CHSY3: variants seen among roughly 807,000 people sequenced by gnomAD.
CHSY3 encodes N-acetylgalactosaminyl-proteoglycan 3-beta-glucuronosyltransferase 3.
A neutral mutation model predicts 67.2 loss-of-function variants in CHSY3; 35 were observed. That is an observed-to-expected ratio of 0.52 (90% CI 0.40 to 0.69). The LOEUF is 0.69. CHSY3 is among the 30% of genes least tolerant of loss of function. The pLI is 0.00. For missense variants in CHSY3, 1,069 were observed against 1,138.5 expected (o/e 0.94, Z 0.88); for synonymous variants, 474 against 434.7 (o/e 1.09, Z -1.12).
intron 2 of CHSY3, among the ~76,000 whole-genome samples, chr5:130,157,399 T>A (rs927673210): frequency 3.3e-5 from 5 of 152,212 alleles, no homozygotes; most frequent in Admixed American, 2.0e-4. Flanking sequence ...TAATAGGAAC[T>A]ATTTAGGCTG....
intron 2 of CHSY3, among the ~76,000 whole-genome samples, chr5:130,038,652 T>C (rs577706378): frequency 2.0e-5 from 3 of 152,258 alleles, no homozygotes; most frequent in African/African-American, 7.2e-5. Flanking sequence ...AGTGTATTGT[T>C]TGTCTATTTC....
At chr5:130,143,787 T>C (rs1239061582) in intron 2 of CHSY3, among the ~76,000 whole-genome samples, 388 of 28,384 alleles carry the variant, frequency 0.014, 16 homozygotes, top group South Asian at 0.088. Flanking sequence ...TATATGTGTA[T>C]ATATATATAT....
rs912778399 is a variant in CHSY3 at position 130,142,400 on chromosome 5, G to A, written c.1087-41829G>A. Among the ~76,000 whole-genome samples, 130 of 152,252 alleles carry A rather than the reference G, an allele frequency of 8.5e-4. 1 individual carries two copies. Among genetic ancestry groups the A allele is most frequent in the African/African-American group, 2.7e-3 (111 of 41,542 alleles). ...ACATTTATTCTCCAAAGTAAGAGTC[G>A]TGACCTTTTGTTCATAATTTTTCTT... On this transcript the variant is annotated intron_variant, in intron 2 of 2. Transcript: ENST00000305031.
intron 2 of CHSY3, among the ~76,000 whole-genome samples, chr5:130,082,976 T>TC (rs1261736527): frequency 1.3e-5 from 2 of 151,578 alleles, no homozygotes; most frequent in African/African-American, 2.4e-5. Flanking sequence ...ATAAAAAATC[T>TC]CACATCCTGC....
chr5:130,130,689 G>T (rs978607082), intron 2 of CHSY3, among the ~76,000 whole-genome samples: 2 of 152,160 alleles, frequency 1.3e-5, no homozygotes, highest in Non-Finnish European at 2.9e-5. Flanking sequence ...AGCTGGTTCT[G>T]CAGTCATCAT....
chr5:129,921,080 A>G (rs565540680), intron 2 of CHSY3, among the ~76,000 whole-genome samples: 1 of 152,196 alleles, frequency 6.6e-6, no homozygotes, highest in Non-Finnish European at 1.5e-5. Context: ...TTGGCTTCCC[A>G]AAGTGTTAAG....
chr5:129,951,809 AG>A (rs1484296037), intron 2 of CHSY3, among the ~76,000 whole-genome samples: 1 of 152,240 alleles, frequency 6.6e-6, no homozygotes, highest in Admixed American at 6.5e-5. Context: ...ATGAATTGAA[AG>A]GCAGACTTCT....
At chr5:129,983,937 T>C (rs1763095986) in intron 2 of CHSY3, among the ~76,000 whole-genome samples, 1 of 152,034 alleles carries the variant, frequency 6.6e-6, no homozygotes, top group African/African-American at 2.4e-5. Context: ...GAACAAAACA[T>C]CCTAATGCAT....
intron 2 of CHSY3, among the ~76,000 whole-genome samples, chr5:130,013,560 G>A (rs1561496766): frequency 6.6e-6 from 1 of 152,202 alleles, no homozygotes; most frequent in Non-Finnish European, 1.5e-5. Flanking sequence ...AGGCTGCCAA[G>A]GCTTGAGGCT....
chr5:129,960,055 A>G (rs146828430), intron 2 of CHSY3, among the ~76,000 whole-genome samples: 1 of 152,222 alleles, frequency 6.6e-6, no homozygotes, highest in African/African-American at 2.4e-5. Flanking sequence ...ATGAAGTTAG[A>G]AGGCTTTTCT....
chr5:129,923,829 T>A (rs1253771302), intron 2 of CHSY3, among the ~76,000 whole-genome samples: 2 of 152,228 alleles, frequency 1.3e-5, no homozygotes, highest in African/African-American at 4.8e-5. Flanking sequence ...CAGCCCTTTG[T>A]GAAAACTTTT....
At chr5:130,012,812 T>C (rs558475295) in intron 2 of CHSY3, among the ~76,000 whole-genome samples, 137 of 152,166 alleles carry the variant, frequency 9.0e-4, no homozygotes, top group South Asian at 1.5e-3. Context: ...ACAAATCTCA[T>C]GTCCTCACGT....
intron 2 of CHSY3, among the ~76,000 whole-genome samples, chr5:130,011,244 A>C (rs1764050162): frequency 6.6e-6 from 1 of 152,192 alleles, no homozygotes; most frequent in Admixed American, 6.5e-5. Context: ...AGCTAACCAA[A>C]TCCAGCAGCA....
At chr5:130,122,339 G>A (rs949320526) in intron 2 of CHSY3, among the ~76,000 whole-genome samples, 2 of 152,002 alleles carry the variant, frequency 1.3e-5, no homozygotes, top group African/African-American at 4.8e-5. Flanking sequence ...ATAATATTTG[G>A]GCAAAATAAG....
chr5:130,082,330 TA>T (rs1049410286), intron 2 of CHSY3, among the ~76,000 whole-genome samples: 4 of 152,122 alleles, frequency 2.6e-5, no homozygotes, highest in Admixed American at 6.6e-5. Context: ...TAATAACTTT[TA>T]AAACATGAAT....
At chr5:129,967,830 GT>G (rs1157753765) in intron 2 of CHSY3, among the ~76,000 whole-genome samples, 1 of 151,726 alleles carries the variant, frequency 6.6e-6, no homozygotes, top group Non-Finnish European at 1.5e-5. Flanking sequence ...CATAGTAAGG[GT>G]TTTTAAATGG....
At chr5:130,140,429 GA>G (rs2149718899) in intron 2 of CHSY3, 1 of 945,668 alleles carries the variant, frequency 1.1e-6, no homozygotes, top group East Asian at 2.6e-5. Flanking sequence ...ACCTACCTTG[GA>G]AAGACTGTTA....
intron 2 of CHSY3, among the ~76,000 whole-genome samples, chr5:129,933,099 A>T (rs886986643): frequency 2.0e-5 from 3 of 152,132 alleles, no homozygotes; most frequent in Non-Finnish European, 4.4e-5. Context: ...GCAGCACTGG[A>T]ATATTGAGAT....
intron 2 of CHSY3, among the ~76,000 whole-genome samples, chr5:130,139,705 AT>A (rs1398981853): frequency 3.3e-5 from 5 of 152,212 alleles, no homozygotes; most frequent in Non-Finnish European, 7.3e-5. Flanking sequence ...TACAGGTGCC[AT>A]TATAATAGGT....
Sources: gnomAD v4.1 joint callset for allele counts (sites outside exome capture counted in the v4.1 genomes callset) on GRCh38, gnomAD v4.1.1 for gene constraint, MANE v1.5 for transcripts, NCBI Gene and HGNC (gene_info 2026-07-23, HGNC 2026-07-21) for gene names.